The following WNT16 variants were observed in gnomAD, a reference collection of about 807,000 sequenced individuals.
The protein encoded by WNT16 is Wnt family member 16, also known as protein Wnt-16.
A neutral mutation model predicts 35.4 loss-of-function variants in WNT16; 20 were observed. That is an observed-to-expected ratio of 0.56 (90% confidence interval 0.40 to 0.82). The LOEUF (loss-of-function observed/expected upper bound fraction) is 0.82. Among genes scored for constraint, WNT16 ranks in the 40% least tolerant of loss-of-function variants. The pLI, the probability that WNT16 is intolerant of heterozygous loss-of-function variation, is 0.00. For missense variants in WNT16, 461 were observed against 466.0 expected (o/e 0.99, Z 0.10); for synonymous variants, 180 against 179.2 (o/e 1.00, Z -0.03).
rs747860571 is a variant in WNT16 at position 121,329,532 on chromosome 7, A to G, written c.96-35A>G. 1.1e-5 allele frequency: 17 copies of G among 1,607,818 alleles called. No individual in the cohort carries two copies. In the African/African-American group the frequency reaches 2.0e-4, roughly 19 times the overall value. On this transcript the variant is annotated intron_variant, in intron 1 of 3. Transcript: ENST00000222462. ...TTTCGGAAAACATCTGGAATTGGGG[A>G]GCGGCTTAACGCTACGGGCGGCCGT...
rs748928833 is a variant in WNT16 at position 121,338,909 on chromosome 7, G to A, written c.662G>A (p.Cys221Tyr). 1 of 1,613,806 alleles carries A rather than the reference G, an allele frequency of 6.2e-7. No homozygotes were observed. Among genetic ancestry groups the A allele is most frequent in the South Asian group, 1.1e-5 (1 of 91,058 alleles). The change falls in exon 4 of 4, where the codon TGC becomes TAC. Residue 221 changes from cysteine to tyrosine, a missense_variant. By Grantham distance (194) the Cys-to-Tyr change is radical. Coordinates refer to ENST00000222462, the MANE Select transcript of WNT16 (RefSeq NM_057168.2). The part of the protein sequence containing the change: ...QAVAKLMSVD[C>Y]RCHGVSGSCA... Reference sequence around the variant, plus strand: ...GTCGCCAAGTTGATGTCAGTAGACTGCCGCTGCCACGGAGTTTCCGGCTCC... The same window carrying A: ...GTCGCCAAGTTGATGTCAGTAGACTACCGCTGCCACGGAGTTTCCGGCTCC...
chr7:121,325,403 T>C (rs749613757), upstream of WNT16: 83 of 1,593,298 alleles, frequency 5.2e-5, 1 homozygote, highest in South Asian at 8.0e-4. Flanking sequence ...GCCAGAAAGA[T>C]GGAAAGGCAC....
chr7:121,335,396 T>C (rs530832605), intron 3 of WNT16, among the ~76,000 whole-genome samples: 2 of 152,202 alleles, frequency 1.3e-5, no homozygotes, highest in East Asian at 3.9e-4. Flanking sequence ...AGGAATCCAG[T>C]AGATTAAATG....
upstream of WNT16, among the ~76,000 whole-genome samples, chr7:121,326,998 A>G (rs755746698): frequency 6.6e-6 from 1 of 152,174 alleles, no homozygotes; most frequent in Non-Finnish European, 1.5e-5. Flanking sequence ...CACTCAATAA[A>G]TTTTGTTCAA....
rs1005170677 is a variant in WNT16 at position 121,340,219 on chromosome 7, T to C, written c.*874T>C. ...CAGTGGAGGTAAAAATATAATTTCA[T>C]ACATTGTAAAGAAAAGCACCCTTTA... On this transcript the variant is annotated 3_prime_UTR_variant, in exon 4 of 4. Transcript: ENST00000222462. The C allele has an allele frequency of 6.6e-6, 1 of 152,270 alleles. No individual in the cohort carries two copies. Among genetic ancestry groups the C allele is most frequent in the East Asian group, 1.9e-4 (1 of 5,190 alleles). 9.4% of individuals were successfully genotyped at this position (152,270 alleles called of 1,614,324 possible).
chr7:121,328,844 C>T (rs187839784), upstream of WNT16, among the ~76,000 whole-genome samples: 94 of 152,288 alleles, frequency 6.2e-4, 1 homozygote, highest in African/African-American at 2.0e-3. Context: ...AGGCCAGTGC[C>T]CGGAGCGCCC....
At chr7:121,325,685 CT>C (rs1238003017), upstream of WNT16, among the ~76,000 whole-genome samples, 1 of 151,830 alleles carries the variant, frequency 6.6e-6, no homozygotes. Flanking sequence ...ATATCTCTCT[CT>C]ATACACACAC....
upstream of WNT16, among the ~76,000 whole-genome samples, chr7:121,326,305 T>C (rs996257498): frequency 2.0e-5 from 3 of 152,218 alleles, no homozygotes; most frequent in Admixed American, 6.5e-5. Flanking sequence ...ATCTGTTCAC[T>C]GAATGAAAAA....
chr7:121,338,850 G>T (rs750408695), intron 3 of WNT16, 31 bp from the exon 4 acceptor site: 5 of 1,579,048 alleles, frequency 3.2e-6, no homozygotes, highest in Admixed American at 3.6e-5. Context: ...CTTTATGATT[G>T]ATAGTTGAAC....
Position 121,331,937 on chromosome 7 carries a change from C to T in WNT16, c.606C>T (p.Asn202=). Residue 202 remains asparagine (N), a synonymous_variant, in exon 3 of 4, where the codon AAC becomes AAT. Transcript: ENST00000222462. ...AAAACAAAGTACTATTAGCAATGAA[C>T]CTACATAACAATGAAGCTGGAAGGC... The part of the protein sequence containing the change: ...GKENKVLLAM[N]LHNNEAGRQA... The T allele has an allele frequency of 6.2e-7, 1 of 1,614,086 alleles. No homozygotes were observed. Among genetic ancestry groups the T allele is most frequent in the South Asian group, 1.1e-5 (1 of 91,078 alleles).
intron 3 of WNT16, among the ~76,000 whole-genome samples, chr7:121,333,690 AG>A (rs1793390535): frequency 6.6e-6 from 1 of 152,012 alleles, no homozygotes; most frequent in African/African-American, 2.4e-5. Context: ...TTAAACCTAG[AG>A]ATAAGATTAT....
chr7:121,339,140 A>C lies in WNT16; in HGVS notation c.893A>C (p.Lys298Thr). Residue 298 changes from lysine to threonine, a missense_variant, in exon 4 of 4, where the codon AAG (lysine) becomes ACG (threonine). Physicochemically the swap from Lys to Thr is moderately conservative, Grantham distance 78 (BLOSUM62 -1). Transcript: ENST00000222462. ...NKSPNYCVED[K>T]KLGIPGTQGR... Reference sequence around the variant, plus strand: ...TCTCCCAACTACTGTGTAGAAGATAAGAAACTGGGAATCCCAGGGACACAA... The same window carrying C: ...TCTCCCAACTACTGTGTAGAAGATACGAAACTGGGAATCCCAGGGACACAA... 1 of 1,614,240 alleles carries C rather than the reference A, an allele frequency of 6.2e-7. No individual in the cohort carries two copies. The highest frequency in any genetic ancestry group is 8.5e-7 in the Non-Finnish European group (1 of 1,180,038).
At chr7:121,338,795 A>C in intron 3 of WNT16, 86 bp from the exon 4 acceptor site, 1 of 1,152,442 alleles carries the variant, frequency 8.7e-7, no homozygotes, top group Non-Finnish European at 1.2e-6. Flanking sequence ...AGACCCAGAA[A>C]GTTAATTGAT....
intron 3 of WNT16, 94 bp from the exon 4 acceptor site, chr7:121,338,787 A>T: frequency 9.6e-7 from 1 of 1,043,734 alleles, no homozygotes; most frequent in South Asian, 1.7e-5. Context: ...GAGGAAATAG[A>T]CCCAGAAAGT....
intron 3 of WNT16, among the ~76,000 whole-genome samples, chr7:121,338,179 G>A (rs759757762): frequency 2.0e-5 from 3 of 152,080 alleles, no homozygotes; most frequent in Admixed American, 6.5e-5. Context: ...GAATCAATAC[G>A]TCTCATCCCT....
chr7:121,329,952 G>A lies in WNT16; in HGVS notation c.346+135G>A, dbSNP rs937342003. ...CCAGAAGAAGCCCTTTAGTGCACGG[G>A]GATTGAGAGCTACAAAGGCCAGACC... On this transcript the variant is annotated intron_variant, in intron 2 of 3. Transcript: ENST00000222462. The A allele has an allele frequency of 4.4e-6, 6 of 1,355,690 alleles. No individual in the cohort carries two copies. In the Admixed American group the frequency reaches 7.8e-5, roughly 18 times the overall value. 84.0% of individuals were successfully genotyped at this position (1,355,690 alleles called of 1,614,324 possible). A position where few individuals can be genotyped will look rare whatever the true frequency, so the allele number is the denominator to read the frequency against.
In WNT16 at chr7:121,329,177, G is replaced by A. The variant is rs1793292878; in HGVS notation, c.-116G>A. On this transcript the variant is annotated 5_prime_UTR_variant, in exon 1 of 4. Transcript: ENST00000222462. ...GCTGGCCTTTTAATGTTGTATGCAA[G>A]GAGGAAGAGGGCGAGGGATAACTTG... The A allele has an allele frequency of 7.0e-7, 1 of 1,432,274 alleles. No homozygotes were observed. Among genetic ancestry groups the A allele is most frequent in the South Asian group, 1.5e-5 (1 of 66,912 alleles). The allele number at this position is 1,432,274 out of a possible 1,614,324, so 88.7% of individuals were successfully genotyped here.
intron 3 of WNT16, among the ~76,000 whole-genome samples, chr7:121,333,779 C>T (rs1353702351): frequency 1.3e-5 from 2 of 151,806 alleles, no homozygotes; most frequent in African/African-American, 4.8e-5. Flanking sequence ...CTTCTTTGGC[C>T]ATTCTTTAAG....
At chr7:121,327,475 C>T (rs748728738), upstream of WNT16, among the ~76,000 whole-genome samples, 4 of 151,640 alleles carry the variant, frequency 2.6e-5, no homozygotes, top group African/African-American at 4.9e-5. Flanking sequence ...CTTAGCCTCC[C>T]GAGTAGCTGG....
Sources: gnomAD v4.1 joint callset for allele counts (sites outside exome capture counted in the v4.1 genomes callset) on GRCh38, gnomAD v4.1.1 for gene constraint, MANE v1.5 for transcripts, NCBI Gene and HGNC (gene_info 2026-07-23, HGNC 2026-07-21) for gene names.